Variants in RIT2 observed in about 807,000 individuals in gnomAD.
RIT2 encodes the protein Ras like without CAAX 2, also known as GTP-binding protein Rit2.
RIT2 carries 24 observed loss-of-function variants against 23.7 expected under a neutral mutation model. The observed-to-expected ratio is 1.01, with a 90% confidence interval of 0.73 to 1.43. RIT2 has a LOEUF of 1.43. RIT2 is among the 40% of genes most tolerant of loss of function. The probability of loss-of-function intolerance (pLI) is 0.00; values close to 1 mark genes in which losing one functional copy is unlikely to be tolerated. For missense variants in RIT2, 236 were observed against 266.9 expected, an observed-to-expected ratio of 0.88 and a Z score of 0.81; for synonymous variants, 107 against 91.1, an observed-to-expected ratio of 1.17 and a Z score of -0.99.
intron 1 of RIT2, among the ~76,000 whole-genome samples, chr18:43,040,190 T>G (rs548601948): frequency 6.6e-6 from 1 of 152,236 alleles, no homozygotes; most frequent in Non-Finnish European, 1.5e-5. Flanking sequence ...ACCCTTCAAA[T>G]ATAGTGAATT....
chr18:43,105,392 T>C (rs1026335780), intron 1 of RIT2, among the ~76,000 whole-genome samples: 2 of 136,408 alleles, frequency 1.5e-5, no homozygotes, highest in African/African-American at 5.5e-5. Flanking sequence ...TCACTACTCT[T>C]CCCTATGTTA....
chr18:43,111,555 C>T (rs1481509947), intron 1 of RIT2, among the ~76,000 whole-genome samples: 1 of 152,044 alleles, frequency 6.6e-6, no homozygotes, highest in East Asian at 1.9e-4. Flanking sequence ...ATCTCATGTA[C>T]TCCATAAATA....
At chr18:42,901,853 G>C (rs955946256) in intron 4 of RIT2, among the ~76,000 whole-genome samples, 4 of 151,824 alleles carry the variant, frequency 2.6e-5, no homozygotes, top group African/African-American at 9.7e-5. Flanking sequence ...TGTCAAAGGA[G>C]ACTATCCAAA....
intron 4 of RIT2, among the ~76,000 whole-genome samples, chr18:42,766,440 A>G (rs1913423084): frequency 6.6e-6 from 1 of 152,190 alleles, no homozygotes; most frequent in African/African-American, 2.4e-5. Flanking sequence ...AACTTGAGAA[A>G]GATGATTTAG....
intron 4 of RIT2, among the ~76,000 whole-genome samples, chr18:42,849,320 A>G (rs1390827230): frequency 6.6e-6 from 1 of 152,220 alleles, no homozygotes; most frequent in Admixed American, 6.5e-5. Flanking sequence ...TTGTGCGCCA[A>G]TAGGAATACT....
intron 4 of RIT2, among the ~76,000 whole-genome samples, chr18:42,848,344 T>C (rs1383655597): frequency 1.3e-5 from 2 of 152,214 alleles, no homozygotes; most frequent in Non-Finnish European, 2.9e-5. Context: ...CAGTATAACA[T>C]GTTCAAGACT....
intron 1 of RIT2, among the ~76,000 whole-genome samples, chr18:43,073,535 A>G (rs1912944116): frequency 6.6e-6 from 1 of 152,226 alleles, no homozygotes; most frequent in Non-Finnish European, 1.5e-5. Context: ...CACTGTCTTC[A>G]TATAACTAAG....
intron 4 of RIT2, among the ~76,000 whole-genome samples, chr18:42,785,479 A>G (rs1004879895): frequency 4.6e-5 from 7 of 151,448 alleles, no homozygotes; most frequent in African/African-American, 1.7e-4. Flanking sequence ...TTATATTTCT[A>G]GATTCATCCA....
rs367760824 is a variant in RIT2, at chr18:42,852,384, T to C, written c.426+71188A>G. 1.9e-4 allele frequency among the ~76,000 whole-genome samples: 29 copies of C among 152,296 alleles called. 1 individual carries two copies. In the East Asian group the frequency reaches 3.9e-3, roughly 20 times the overall value. On this transcript the variant is annotated intron_variant, in intron 4 of 4. Coordinates refer to ENST00000326695, the MANE Select transcript of RIT2 (RefSeq NM_002930.4). ...TATAGGGTATCACAGATAAATGTCC[T>C]ATTGACTTAGGATACATAACAAAAT...
chr18:43,049,122 AT>A (rs1912318184), intron 1 of RIT2, among the ~76,000 whole-genome samples: 1 of 152,168 alleles, frequency 6.6e-6, no homozygotes, highest in Non-Finnish European at 1.5e-5. Context: ...AGTTAAGTGA[AT>A]TATGGAGAGA....
intron 4 of RIT2, among the ~76,000 whole-genome samples, chr18:42,833,134 C>A (rs1194128707): frequency 6.7e-6 from 1 of 148,530 alleles, no homozygotes; most frequent in Non-Finnish European, 1.5e-5. Flanking sequence ...ATTTATTCAT[C>A]TCTCCTCCCC....
chr18:42,881,076 G>A (rs1490990635), intron 4 of RIT2, among the ~76,000 whole-genome samples: 1 of 152,038 alleles, frequency 6.6e-6, no homozygotes, highest in South Asian at 2.1e-4. Flanking sequence ...AAAGTGCTGG[G>A]ATTACAGGCG....
chr18:43,074,175 A>C (rs1912960652), intron 1 of RIT2, among the ~76,000 whole-genome samples: 1 of 152,226 alleles, frequency 6.6e-6, no homozygotes, highest in Non-Finnish European at 1.5e-5. Flanking sequence ...CAGTAATTAG[A>C]AAGTAGAGAT....
intron 4 of RIT2, among the ~76,000 whole-genome samples, chr18:42,778,256 A>C (rs1346588296): frequency 6.6e-6 from 1 of 152,198 alleles, no homozygotes. Context: ...AGTGTCACCA[A>C]AAGAAAAAAA....
intron 1 of RIT2, among the ~76,000 whole-genome samples, chr18:43,066,060 T>G (rs1057105312): frequency 6.6e-6 from 1 of 152,198 alleles, no homozygotes; most frequent in African/African-American, 2.4e-5. Context: ...TTCCAAAAAT[T>G]ATTTCAATGG....
intron 4 of RIT2, among the ~76,000 whole-genome samples, chr18:42,793,536 G>A (rs1914089014): frequency 6.6e-6 from 1 of 152,116 alleles, no homozygotes; most frequent in Non-Finnish European, 1.5e-5. Context: ...AAATCTGGGG[G>A]ACTTCAACAT....
chr18:42,879,241 GCCT>G (rs1907824561), intron 4 of RIT2, among the ~76,000 whole-genome samples: 1 of 151,996 alleles, frequency 6.6e-6, no homozygotes, highest in African/African-American at 2.4e-5. Flanking sequence ...ATCACTTCTT[GCCT>G]GAATATCACA....
intron 4 of RIT2, among the ~76,000 whole-genome samples, chr18:42,892,542 G>A (rs1275353918): frequency 6.6e-6 from 1 of 152,140 alleles, no homozygotes; most frequent in Non-Finnish European, 1.5e-5. Flanking sequence ...ATCTGACATT[G>A]TGCTGCCTGA....
intron 4 of RIT2, among the ~76,000 whole-genome samples, chr18:42,826,006 T>C (rs1427472600): frequency 6.6e-6 from 1 of 152,076 alleles, no homozygotes; most frequent in Non-Finnish European, 1.5e-5. Context: ...CATCTCTTTG[T>C]AAATTAATTT....
Sources: allele counts gnomAD v4.1 joint callset (sites outside exome capture counted in the v4.1 genomes callset), GRCh38; gene constraint gnomAD v4.1.1; transcripts MANE v1.5; gene names NCBI Gene and HGNC (gene_info 2026-07-23, HGNC 2026-07-21).